Variants in AAK1 observed in about 807,000 individuals in gnomAD.
The protein encoded by AAK1 is AP2-associated protein kinase 1.
Under a neutral mutation model 116.0 loss-of-function variants are expected in AAK1, and 37 were observed. The observed-to-expected ratio is 0.32, with a 90% CI of 0.25 to 0.42. The LOEUF (loss-of-function observed/expected upper bound fraction) is 0.42, where lower values mean the gene tolerates loss of function less well. AAK1 is among the 10% of genes least tolerant of loss of function. AAK1 has a pLI of 1.00. For missense variants in AAK1, 919 were observed against 1,170.6 expected (o/e 0.79, Z 3.14); for synonymous variants, 458 against 439.9 (o/e 1.04, Z -0.51).
chr2:69,479,662 G>A (rs1041524869), intron 19 of AAK1, among the ~76,000 whole-genome samples: 27 of 152,274 alleles, frequency 1.8e-4, no homozygotes, highest in African/African-American at 5.8e-4. Context: ...ACTCAACCAG[G>A]TTCCCACCCA....
chr2:69,611,838 T>C (rs1002865895), intron 2 of AAK1, among the ~76,000 whole-genome samples: 4 of 152,320 alleles, frequency 2.6e-5, no homozygotes, highest in African/African-American at 9.6e-5. Context: ...CATTTTGACA[T>C]ATACTATAAC....
chr2:69,630,333 C>CGGGGGGGGGGGGGGGGG (rs1404671822), intron 2 of AAK1, among the ~76,000 whole-genome samples: 1 of 14,232 alleles, frequency 7.0e-5, no homozygotes, highest in African/African-American at 3.2e-4. Context: ...CTGAGTGGGG[C>CGGGGGGGGGGGGGGGGG]GGGGGGTGGG....
rs146883288 is a variant in AAK1, at chr2:69,567,570, A to T, written c.164-10592T>A. On this transcript the variant is annotated intron_variant, in intron 2 of 21. Transcript: ENST00000409085. ...ATAAAGGATACCAATAAAAAATTTT[A>T]AAAAAACAACAAAACTACAATGACA... Among the ~76,000 whole-genome samples the T allele has an allele frequency of 5.2e-3, 769 of 149,172 alleles. 7 individuals carry two copies. Among genetic ancestry groups the T allele is most frequent in the African/African-American group, 0.018 (732 of 41,312 alleles).
chr2:69,603,016 T>C (rs1216455425), intron 2 of AAK1, among the ~76,000 whole-genome samples: 4 of 151,912 alleles, frequency 2.6e-5, no homozygotes, highest in African/African-American at 9.7e-5. Context: ...CATGGCAAAA[T>C]CAAGTTGGTT....
chr2:69,518,840 G>T, intron 12 of AAK1, 114 bp downstream of exon 12: 1 of 1,404,256 alleles, frequency 7.1e-7, no homozygotes, highest in Non-Finnish European at 9.4e-7. Flanking sequence ...CTACATCTAT[G>T]AGAAACAGTG....
At chr2:69,627,349 G>A (rs1674953598) in intron 2 of AAK1, among the ~76,000 whole-genome samples, 1 of 151,916 alleles carries the variant, frequency 6.6e-6, no homozygotes, top group African/African-American at 2.4e-5. Flanking sequence ...GGGGGAGTGG[G>A]AGTGATAAAT....
intron 2 of AAK1, among the ~76,000 whole-genome samples, chr2:69,588,755 T>C (rs904473869): frequency 1.3e-5 from 2 of 152,348 alleles, no homozygotes; most frequent in Admixed American, 1.3e-4. Context: ...GCTGGTCTTA[T>C]TGAGTTCCTC....
At chr2:69,623,932 A>G (rs1373490722) in intron 2 of AAK1, among the ~76,000 whole-genome samples, 1 of 152,232 alleles carries the variant, frequency 6.6e-6, no homozygotes, top group African/African-American at 2.4e-5. Flanking sequence ...AAGAACTCCT[A>G]TTAAGTCATT....
chr2:69,528,764 A>G (rs1399411631), intron 8 of AAK1, among the ~76,000 whole-genome samples: 2 of 152,216 alleles, frequency 1.3e-5, no homozygotes, highest in Non-Finnish European at 2.9e-5. Flanking sequence ...AAAGATGTCC[A>G]TGGTATAGAC....
chr2:69,509,477 C>T lies in AAK1; in HGVS notation c.1777-17G>A, dbSNP rs778120168. On this transcript the variant is annotated splice_polypyrimidine_tract_variant and intron_variant, in intron 13 of 21. Transcript: ENST00000409085. Reference sequence around the variant, plus strand: ...GGCTTGAATCTGCTAGGAAGAGAGACGGAAAGTGTTTCATTAAATTAAAAA... The same window carrying T: ...GGCTTGAATCTGCTAGGAAGAGAGATGGAAAGTGTTTCATTAAATTAAAAA... 28 of 1,582,730 alleles carry T rather than the reference C, an allele frequency of 1.8e-5. No homozygotes were observed. The highest frequency in any genetic ancestry group is 1.7e-4 in the Middle Eastern group (1 of 5,968).
chr2:69,586,989 G>A (rs1164285038), intron 2 of AAK1, among the ~76,000 whole-genome samples: 1 of 152,106 alleles, frequency 6.6e-6, no homozygotes, highest in East Asian at 1.9e-4. Flanking sequence ...CAAGGGACTT[G>A]AGGCTGGGTC....
intron 2 of AAK1, among the ~76,000 whole-genome samples, chr2:69,615,083 G>A (rs938020289): frequency 3.9e-5 from 6 of 152,040 alleles, no homozygotes; most frequent in African/African-American, 7.2e-5. Flanking sequence ...CCAACCACGA[G>A]GAAAAAAACA....
At chr2:69,581,850 T>C (rs909134709) in intron 2 of AAK1, among the ~76,000 whole-genome samples, 9 of 152,192 alleles carry the variant, frequency 5.9e-5, no homozygotes, top group Admixed American at 2.6e-4. Context: ...GGCATGGTGG[T>C]GCGCATCTGT....
chr2:69,536,158 T>C (rs1205088767), intron 5 of AAK1, among the ~76,000 whole-genome samples: 1 of 152,202 alleles, frequency 6.6e-6, no homozygotes, highest in African/African-American at 2.4e-5. Context: ...CCCACCGTGC[T>C]GATGTGCATT....
intron 19 of AAK1, among the ~76,000 whole-genome samples, chr2:69,480,049 C>T (rs912258447): frequency 6.6e-6 from 1 of 152,064 alleles, no homozygotes; most frequent in Admixed American, 6.5e-5. Flanking sequence ...GCCAAGGCAC[C>T]CAGCCTGAGT....
At chr2:69,570,829 T>C (rs1390030335) in intron 2 of AAK1, among the ~76,000 whole-genome samples, 2 of 152,236 alleles carry the variant, frequency 1.3e-5, no homozygotes, top group Non-Finnish European at 1.5e-5. Flanking sequence ...AATCATAATC[T>C]GGAACCCACA....
intron 2 of AAK1, among the ~76,000 whole-genome samples, chr2:69,633,018 G>C (rs1196669299): frequency 6.6e-6 from 1 of 151,500 alleles, no homozygotes; most frequent in Non-Finnish European, 1.5e-5. Context: ...GGGTGACAGA[G>C]CAAGACTCCG....
intron 20 of AAK1, 84 bp from the exon 21 acceptor site, chr2:69,477,074 C>T (rs887744876): frequency 1.2e-6 from 1 of 839,808 alleles, no homozygotes; most frequent in African/African-American, 1.7e-5. Flanking sequence ...GCACAAAGAT[C>T]TCAACTGTAC....
chr2:69,629,214 T>C (rs971198757), intron 2 of AAK1, among the ~76,000 whole-genome samples: 12 of 152,198 alleles, frequency 7.9e-5, no homozygotes, highest in African/African-American at 2.9e-4. Context: ...GTCTGCATGC[T>C]CACTACCCCA....
Sources: gnomAD v4.1 joint callset for allele counts (sites outside exome capture counted in the v4.1 genomes callset) on GRCh38, gnomAD v4.1.1 for gene constraint, MANE v1.5 for transcripts, NCBI Gene and HGNC (gene_info 2026-07-23, HGNC 2026-07-21) for gene names.